CABIN1: variants seen among roughly 807,000 people sequenced by gnomAD.
CABIN1 encodes calcineurin binding protein 1.
In CABIN1, 133 loss-of-function variants were observed where a neutral mutation model predicts 227.7. That is an observed-to-expected ratio of 0.58 (90% CI 0.51 to 0.67). The LOEUF is 0.67. Ranked by LOEUF, CABIN1 falls within the 30% of genes least tolerant of loss-of-function variation. CABIN1 has a pLI of 0.00. For synonymous variants in CABIN1, 1,086 were observed against 1,155.1 expected (o/e 0.94, Z 1.21); for missense variants, 2,408 against 2,852.5 (o/e 0.84, Z 3.55).
intron 8 of CABIN1, among the ~76,000 whole-genome samples, chr22:24,051,946 G>C (rs1049258476): frequency 6.6e-6 from 1 of 152,160 alleles, no homozygotes; most frequent in Non-Finnish European, 1.5e-5. Flanking sequence ...CGAGCACCGA[G>C]ATGGCCAGGA....
At position 24,026,694 on chromosome 22, in the gene CABIN1, C is replaced by T. The variant is rs35197013; in HGVS notation, c.-74-8750C>T. Among the ~76,000 whole-genome samples the T allele has an allele frequency of 4.3e-3, 649 of 152,192 alleles. 6 individuals are homozygous for T. The highest frequency in any genetic ancestry group is 6.8e-3 in the Middle Eastern group (2 of 294). On this transcript the variant is annotated intron_variant, in intron 1 of 36. Transcript: ENST00000263119. ...GCACCATAGTCAGTAATAAATTGGC[C>T]ATTTTCATTTGGGTTCTTATGGACT... is the stretch of plus-strand genomic sequence containing the variant.
chr22:24,038,970 G>C (rs953946871), intron 4 of CABIN1, among the ~76,000 whole-genome samples: 1 of 152,182 alleles, frequency 6.6e-6, no homozygotes, highest in Non-Finnish European at 1.5e-5. Flanking sequence ...CAGAAGGACT[G>C]GGGACACTGG....
At position 24,036,161 on chromosome 22, in the gene CABIN1, A is replaced by G. The variant is rs771671558; in HGVS notation, c.76A>G (p.Thr26Ala). The change falls in exon 3 of 37, where the codon ACC becomes GCC. Residue 26 changes from threonine to alanine, a missense_variant. Physicochemically the swap from Thr to Ala is moderately conservative, Grantham distance 58. Coordinates refer to ENST00000263119, the MANE Select transcript of CABIN1 (RefSeq NM_012295.4). Reference protein sequence around the residue: ...DHEGSFKSHKTQTKEAQEAEA... With the variant: ...DHEGSFKSHKAQTKEAQEAEA... ...TGAAGGAAGCTTTAAAAGTCACAAA[A>G]CCCAGACAAAGGAGGCTCAGGTACG... 2 of 1,613,056 alleles carry G rather than the reference A, an allele frequency of 1.2e-6. No homozygotes were observed. Among genetic ancestry groups the G allele is most frequent in the Admixed American group, 3.3e-5 (2 of 59,982 alleles).
chr22:24,062,832 C>T, intron 13 of CABIN1, 127 bp from the exon 14 acceptor site: 1 of 886,966 alleles, frequency 1.1e-6, no homozygotes, highest in Non-Finnish European at 1.9e-6. Context: ...AGCTGTAGGG[C>T]TCTGAGGGGC....
At chr22:24,076,787 T>C (rs2040473810) in intron 19 of CABIN1, among the ~76,000 whole-genome samples, 1 of 152,318 alleles carries the variant, frequency 6.6e-6, no homozygotes, top group Non-Finnish European at 1.5e-5. Context: ...TCAGTTGTGA[T>C]TGACTGGAAG....
intron 33 of CABIN1, among the ~76,000 whole-genome samples, chr22:24,168,728 T>C (rs944767273): frequency 6.6e-6 from 1 of 152,188 alleles, no homozygotes; most frequent in Non-Finnish European, 1.5e-5. Flanking sequence ...AGTTCAGACA[T>C]GCTGAGGGGT....
chr22:24,053,317 C>G (rs2038507596), intron 8 of CABIN1, among the ~76,000 whole-genome samples: 1 of 151,864 alleles, frequency 6.6e-6, no homozygotes, highest in Non-Finnish European at 1.5e-5. Context: ...ACCTTGTGAT[C>G]TGCCCGCCTC....
chr22:24,157,852 G>T (rs571953109), intron 29 of CABIN1, among the ~76,000 whole-genome samples: 9 of 152,028 alleles, frequency 5.9e-5, no homozygotes, highest in African/African-American at 1.7e-4. Flanking sequence ...ATGCTTTTCT[G>T]GGGGGGCGGG....
In CABIN1 at chr22:24,178,611, A is replaced by T. The variant is rs2148855563; in HGVS notation, c.*415A>T. On this transcript the variant is annotated 3_prime_UTR_variant, in exon 37 of 37. Coordinates refer to ENST00000263119, the MANE Select transcript of CABIN1 (RefSeq NM_012295.4). ...TCACCCTTTTTTTGGTTGCTTTTCT[A>T]ATAAAGATGGAACAGTTGTCTTTGC... The T allele has an allele frequency of 3.5e-6, 1 of 284,020 alleles. No homozygotes were observed. The allele number at this position is 284,020 out of a possible 1,614,324, so 17.6% of individuals were successfully genotyped here. A position where few individuals can be genotyped will look rare whatever the true frequency, so the allele number is the denominator to read the frequency against.
In CABIN1 at chr22:24,164,335, CAG is replaced by C. The variant is rs1040758422; in HGVS notation, c.4747-64_4747-63del. On this transcript the variant is annotated intron_variant, in intron 29 of 36. Transcript: ENST00000263119. ...GTGGCAGTTTCCAGGGGATACCAGA[CAG>C]GGTGTCCCCGAGGCTCCTGCCACAA... is the stretch of plus-strand genomic sequence containing the variant. 19 of 1,579,652 alleles carry C rather than the reference CAG, an allele frequency of 1.2e-5. No individual in the cohort carries two copies. The Middle Eastern group carries it at 1.1e-3, about 93-fold the overall frequency.
chr22:24,155,584 C>T (rs1250848476), intron 29 of CABIN1, among the ~76,000 whole-genome samples: 2 of 152,212 alleles, frequency 1.3e-5, no homozygotes, highest in Admixed American at 6.5e-5. Context: ...CACTGCAGCC[C>T]CCCTGCCCAA....
intron 26 of CABIN1, among the ~76,000 whole-genome samples, chr22:24,112,776 C>T (rs1404843252): frequency 6.6e-6 from 1 of 152,100 alleles, no homozygotes; most frequent in Non-Finnish European, 1.5e-5. Context: ...TTCCTTTTCC[C>T]TTCCCCAGCT....
chr22:24,084,471 C>T, intron 20 of CABIN1, 108 bp from the exon 21 acceptor site: 1 of 926,944 alleles, frequency 1.1e-6, no homozygotes, highest in Non-Finnish European at 1.8e-6. Context: ...TCCAATATGC[C>T]ATAACCTCAT....
intron 34 of CABIN1, among the ~76,000 whole-genome samples, chr22:24,175,377 A>T (rs1226319881): frequency 1.3e-5 from 2 of 152,140 alleles, no homozygotes; most frequent in East Asian, 3.9e-4. Flanking sequence ...GCTGGAGAGG[A>T]TGGAGGGCCT....
chr22:24,134,138 A>G (rs1384932648), intron 28 of CABIN1, among the ~76,000 whole-genome samples, 164 bp from the exon 29 acceptor site: 1 of 152,206 alleles, frequency 6.6e-6, no homozygotes, highest in African/African-American at 2.4e-5. Context: ...CTGATGATCA[A>G]AGCCCATGGC....
chr22:24,103,522 G>C (rs1288285490), intron 26 of CABIN1, among the ~76,000 whole-genome samples: 1 of 152,106 alleles, frequency 6.6e-6, no homozygotes, highest in Non-Finnish European at 1.5e-5. Context: ...GGCCCACCCT[G>C]GCCTCTGCTC....
intron 26 of CABIN1, among the ~76,000 whole-genome samples, chr22:24,101,225 C>T (rs1212848583): frequency 6.6e-6 from 1 of 152,186 alleles, no homozygotes; most frequent in African/African-American, 2.4e-5. Flanking sequence ...CATTGGTATG[C>T]CTTTGCTTCA....
At chr22:24,056,943 CT>C (rs796302054) in intron 10 of CABIN1, among the ~76,000 whole-genome samples, 62 of 146,270 alleles carry the variant, frequency 4.2e-4, no homozygotes, top group Middle Eastern at 3.6e-3. Context: ...GTCCTTCTGC[CT>C]TTTTTTTTTT....
At chr22:24,068,249 G>A (rs575751721) in intron 16 of CABIN1, among the ~76,000 whole-genome samples, 11 of 152,326 alleles carry the variant, frequency 7.2e-5, no homozygotes, top group African/African-American at 2.4e-4. Context: ...GGCAGAGGAG[G>A]TCAGTCAGGC....
Sources: allele counts gnomAD v4.1 joint callset (sites outside exome capture counted in the v4.1 genomes callset), GRCh38; gene constraint gnomAD v4.1.1; transcripts MANE v1.5; gene names NCBI Gene and HGNC (gene_info 2026-07-23, HGNC 2026-07-21).